PLXND1: variants seen among roughly 807,000 people sequenced by gnomAD.
PLXND1 encodes plexin-D1.
Under a neutral mutation model 197.7 loss-of-function variants are expected in PLXND1, and 54 were observed. That is an observed-to-expected ratio of 0.27 (90% CI 0.22 to 0.34). The LOEUF is 0.34. PLXND1 is among the 10% of genes least tolerant of loss of function. The pLI is 1.00. For missense variants in PLXND1, 2,127 were observed against 2,699.2 expected (o/e 0.79, Z 4.70); for synonymous variants, 1,180 against 1,161.2 (o/e 1.02, Z -0.33).
chr3:129,595,828 C>CCAGGCTTAGGTCACAAGCCT (rs1305792112), intron 1 of PLXND1, among the ~76,000 whole-genome samples: 1 of 152,094 alleles, frequency 6.6e-6, no homozygotes, highest in Non-Finnish European at 1.5e-5. Context: ...AGGACAAGCC[C>CCAGGCTTAGGTCACAAGCCT]CAGGCTTAGG....
At position 129,571,668 on chromosome 3, in the gene PLXND1, CA is replaced by C; in HGVS notation, c.3245+8del. ...AGAGCCTGGGGGAAGGGCGGGGTGC[CA>C]GTCTCACCTGACAGGGCTGCGGCGG... On this transcript the variant is annotated splice_region_variant and intron_variant, in intron 16 of 35. Transcript: ENST00000324093. The C allele has an allele frequency of 6.2e-7, 1 of 1,613,968 alleles. No individual in the cohort carries two copies. The highest frequency in any genetic ancestry group is 8.5e-7 in the Non-Finnish European group (1 of 1,179,964).
In PLXND1 at chr3:129,577,582, G is replaced by C. The variant is rs1220563977; in HGVS notation, c.2346+747C>G. 6.6e-6 allele frequency among the ~76,000 whole-genome samples: 1 copy of C among 152,092 alleles called. No individual in the cohort carries two copies. Among genetic ancestry groups the C allele is most frequent in the Admixed American group, 6.5e-5 (1 of 15,282 alleles). ...GGCCACCACGTGTGACAGCTCTCAC[G>C]GGCCTCAGCTCCTCCATGGAAGTAA... On this transcript the variant is annotated intron_variant, in intron 9 of 35. Transcript: ENST00000324093. This position sits in a 1 kb window ranked among gnomAD's most constrained non-coding sequence, Gnocchi z 5.0.
Position 129,559,609 on chromosome 3 carries a change from C to T in PLXND1, c.5297+11G>A. 2 of 1,587,744 alleles carry T rather than the reference C, an allele frequency of 1.3e-6. No individual in the cohort carries two copies. The highest frequency in any genetic ancestry group is 1.7e-6 in the Non-Finnish European group (2 of 1,165,922). On this transcript the variant is annotated intron_variant, in intron 32 of 35. Transcript: ENST00000324093. Reference sequence around the variant, plus strand: ...GCACAGTGAAGTCCACACGGCCCCCCCACCCGCCACCTGTTGGTCTTCCAG... The same window carrying T: ...GCACAGTGAAGTCCACACGGCCCCCTCACCCGCCACCTGTTGGTCTTCCAG...
At position 129,576,243 on chromosome 3, in the gene PLXND1, C is replaced by T. The variant is rs568110780; in HGVS notation, c.2347-388G>A. Among the ~76,000 whole-genome samples the T allele has an allele frequency of 1.0e-3, 158 of 152,354 alleles. 1 individual carries two copies. The highest frequency in any genetic ancestry group is 2.7e-3 in the African/African-American group (114 of 41,574). On this transcript the variant is annotated intron_variant, in intron 9 of 35. Coordinates refer to ENST00000324093, the MANE Select transcript of PLXND1 (RefSeq NM_015103.3). ...CAGGCCCTGCTCAGACGTGCCCCAA[C>T]GCCCAACACGGCCAGACTCTCCTGC...
chr3:129,597,709 G>T (rs1027000554), intron 1 of PLXND1, among the ~76,000 whole-genome samples: 1 of 152,256 alleles, frequency 6.6e-6, no homozygotes, highest in Non-Finnish European at 1.5e-5. Context: ...GTGGAGCAGG[G>T]CCCCTGCCAC....
intron 29 of PLXND1, 103 bp from the exon 30 acceptor site, chr3:129,560,826 T>A (rs1053214025): frequency 2.6e-6 from 2 of 773,982 alleles, no homozygotes; most frequent in Non-Finnish European, 4.7e-6. Flanking sequence ...GACAGAAAGA[T>A]GGGGAGAGAA....
chr3:129,572,567 T>A, intron 15 of PLXND1, 42 bp downstream of exon 15: 1 of 1,449,840 alleles, frequency 6.9e-7, no homozygotes, highest in Non-Finnish European at 9.1e-7. Context: ...AGCCCATTGA[T>A]TTCTCTGGGC....
chr3:129,601,663 T>A (rs747653064), intron 1 of PLXND1, among the ~76,000 whole-genome samples: 13 of 152,266 alleles, frequency 8.5e-5, no homozygotes, highest in Admixed American at 3.9e-4. Flanking sequence ...AAACTCATCC[T>A]CTTCCCCAGA....
In PLXND1 at chr3:129,557,175, G is replaced by T; in HGVS notation, c.5494C>A (p.Arg1832=). Reference sequence around the variant, plus strand: ...TTGTAGTAGCGCTGCACGATCTTCCGGTACTCAGGAATCTCCTTGGCGTAG... The same window carrying T: ...TTGTAGTAGCGCTGCACGATCTTCCTGTACTCAGGAATCTCCTTGGCGTAG... ...LLYAKEIPEY[R]KIVQRYYKQI... Residue 1832 remains arginine (R), a synonymous_variant, in exon 34 of 36, where the codon CGG becomes AGG. Coordinates refer to ENST00000324093, the MANE Select transcript of PLXND1 (RefSeq NM_015103.3). This position sits in a 1 kb window ranked among gnomAD's most constrained non-coding sequence, Gnocchi z 4.8. The T allele has an allele frequency of 1.2e-6, 2 of 1,614,078 alleles. No individual in the cohort carries two copies. The highest frequency in any genetic ancestry group is 2.2e-5 in the South Asian group (2 of 91,074).
rs1177849330 is a variant in PLXND1 at position 129,575,758 on chromosome 3, C to T, written c.2436+8G>A. ...GCCCTCCGCCCATGCTGGAGTCACC[C>T]CACTCACCACCACCTGGTCACAGCG... On this transcript the variant is annotated splice_region_variant and intron_variant, in intron 10 of 35. Transcript: ENST00000324093. The T allele has an allele frequency of 3.7e-6, 6 of 1,600,838 alleles. No individual in the cohort carries two copies. The highest frequency in any genetic ancestry group is 3.4e-6 in the Non-Finnish European group (4 of 1,168,364).
At position 129,605,526 on chromosome 3, in the gene PLXND1, A is replaced by G; in HGVS notation, c.1114T>C (p.Phe372Leu). 6.6e-7 allele frequency: 1 copy of G among 1,519,042 alleles called. No individual in the cohort carries two copies. Among genetic ancestry groups the G allele is most frequent in the Non-Finnish European group, 8.8e-7 (1 of 1,139,562 alleles). 94.1% of individuals were successfully genotyped at this position (1,519,042 alleles called of 1,614,324 possible). A position where few individuals can be genotyped will look rare whatever the true frequency, so the allele number is the denominator to read the frequency against. ...GCGGGGGACCCCTGGGGCCGCTCGAAGACAGCAAAGAGCCGCTCCCGGGCT... is the reference window on the plus strand; with the variant it reads ...GCGGGGGACCCCTGGGGCCGCTCGAGGACAGCAAAGAGCCGCTCCCGGGCT... ...FPARERLFAV[F>L]ERPQGSPAAR... The change falls in exon 1 of 36, where the codon TTC becomes CTC. Residue 372 changes from phenylalanine to leucine, a missense_variant. Physicochemically the swap from Phe to Leu is conservative, Grantham distance 22 (BLOSUM62 0). This residue lies in a region of PLXND1 where 1,095 missense variants were observed against 1,259.8 expected (regional missense o/e 0.87). Transcript: ENST00000324093.
chr3:129,558,420 C>T lies in PLXND1; in HGVS notation c.5445+8G>A. 3 of 1,612,734 alleles carry T rather than the reference C, an allele frequency of 1.9e-6. No homozygotes were observed. The highest frequency in any genetic ancestry group is 1.7e-6 in the Non-Finnish European group (2 of 1,179,706). ...CATGGGCCTGGCCTGGTCCTGGGAA[C>T]AGCTGACCTTGCCCAGCTGCAGGTC... On this transcript the variant is annotated splice_region_variant and intron_variant, in intron 33 of 35. Transcript: ENST00000324093. This position sits in a 1 kb window ranked among gnomAD's most constrained non-coding sequence, Gnocchi z 4.1.
chr3:129,557,091 C>A lies in PLXND1; in HGVS notation c.5578G>T (p.Glu1860Ter), dbSNP rs779156611. 1.9e-6 allele frequency: 3 copies of A among 1,613,998 alleles called. No individual in the cohort carries two copies. The highest frequency in any genetic ancestry group is 1.1e-5 in the South Asian group (1 of 91,066). Residue 1860 changes from glutamate (E) to a stop codon, truncating the protein, a stop_gained, in exon 34 of 36, where the codon GAG becomes TAG. Coordinates refer to ENST00000324093, the MANE Select transcript of PLXND1 (RefSeq NM_015103.3). LOFTEE classifies it high-confidence loss of function. This position sits in a 1 kb window ranked among gnomAD's most constrained non-coding sequence, Gnocchi z 4.8. ...CCGCCGAGCCACCGCACCCTCGACT[C>A]CTCGGCCAGATGGGCATTCATCTCT... ...EQEMNAHLAEESRKYQNEFNT... is the reference protein window; with the variant it reads ...EQEMNAHLAE
intron 1 of PLXND1, among the ~76,000 whole-genome samples, chr3:129,601,687 A>G (rs78252470): frequency 0.097 from 14,801 of 152,128 alleles, 1,029 homozygotes; most frequent in East Asian, 0.38. Context: ...ACCCCATCAC[A>G]TGCCCCACCC....
chr3:129,556,983 GC>G (rs1387947930), intron 34 of PLXND1, 99 bp downstream of exon 34: 2 of 1,305,838 alleles, frequency 1.5e-6, no homozygotes. Flanking sequence ...TGCCCTCTGC[GC>G]TCCCTGCCCT....
intron 1 of PLXND1, among the ~76,000 whole-genome samples, chr3:129,602,650 A>G (rs980477659): frequency 1.3e-5 from 2 of 152,206 alleles, no homozygotes; most frequent in Non-Finnish European, 2.9e-5. Context: ...ATCTGGGGCT[A>G]GAAGTAGGAG....
intron 1 of PLXND1, 33 bp from the exon 2 acceptor site, chr3:129,589,560 C>T (rs1422297481): frequency 1.3e-6 from 2 of 1,517,042 alleles, no homozygotes; most frequent in African/African-American, 1.4e-5. Flanking sequence ...GATCCCAGCT[C>T]CAGAACCTTC....
intron 1 of PLXND1, among the ~76,000 whole-genome samples, chr3:129,601,560 C>T (rs1411746845): frequency 6.6e-6 from 1 of 152,198 alleles, no homozygotes; most frequent in East Asian, 1.9e-4. Context: ...CATGTGCAGC[C>T]CCACCCAGGC....
rs552339469 is a variant in PLXND1, at chr3:129,603,910, G to A, written c.1311+1419C>T. Among the ~76,000 whole-genome samples, 14 of 152,264 alleles carry A rather than the reference G, an allele frequency of 9.2e-5. No homozygotes were observed. In the South Asian group the frequency reaches 1.0e-3, roughly 11 times the overall value. On this transcript the variant is annotated intron_variant, in intron 1 of 35. Transcript: ENST00000324093. ...GAATGGCAGGCAGTGGAGCTGAAGT[G>A]GGCTCGCCAGACTCAGATGGGTGGA...
Sources: gnomAD v4.1 joint callset for allele counts (sites outside exome capture counted in the v4.1 genomes callset) on GRCh38, gnomAD v4.1.1 for gene constraint, gnomAD v4.1.1 regional missense constraint, Gnocchi (gnomAD v3.1) non-coding constraint, MANE v1.5 for transcripts, NCBI Gene and HGNC (gene_info 2026-07-23, HGNC 2026-07-21) for gene names.